The following ZSCAN9 variants were observed in gnomAD, a reference collection of about 807,000 sequenced individuals.
ZSCAN9 encodes zinc finger and SCAN domain-containing protein 9.
ZSCAN9 carries 19 observed loss-of-function variants against 23.0 expected under a neutral mutation model. The ratio of observed to expected loss-of-function variants is 0.83; its 90% confidence interval spans 0.58 to 1.21. ZSCAN9 has a LOEUF of 1.21. ZSCAN9 is among the 50% of genes most tolerant of loss of function. The pLI is 0.00. For synonymous variants in ZSCAN9, 155 were observed against 164.8 expected (o/e 0.94, Z 0.46); for missense variants, 467 against 471.5 (o/e 0.99, Z 0.09).
Position 28,232,729 on chromosome 6 carries a change from G to A in ZSCAN9, c.736G>A (p.Gly246Arg), listed in dbSNP as rs1486704043. 6.2e-7 allele frequency: 1 copy of A among 1,614,202 alleles called. No individual in the cohort carries two copies. Among genetic ancestry groups the A allele is most frequent in the South Asian group, 1.1e-5 (1 of 91,080 alleles). ...EHKDRIERQW[G>R]NLLGEGQHKC... Reference sequence around the variant, plus strand: ...TAAGGATAGGATAGAGAGGCAGTGGGGAAACCTCTTAGGAGAGGGGCAACA... The same window carrying A: ...TAAGGATAGGATAGAGAGGCAGTGGAGAAACCTCTTAGGAGAGGGGCAACA... The change falls in exon 4 of 4, where the codon GGA (glycine) becomes AGA (arginine). Residue 246 changes from glycine to arginine, a missense_variant. Transcript: ENST00000252207.
Position 28,233,133 on chromosome 6 carries a change from C to T in ZSCAN9, c.1140C>T (p.Asn380=). The T allele has an allele frequency of 1.2e-6, 2 of 1,613,914 alleles. No individual in the cohort carries two copies. The highest frequency in any genetic ancestry group is 1.7e-6 in the Non-Finnish European group (2 of 1,179,972). ...GGAAAAGCTTTAATCGACACTGCAACCTCATTCGCCATCAGAAGATCCACA... is the reference window on the plus strand; with the variant it reads ...GGAAAAGCTTTAATCGACACTGCAATCTCATTCGCCATCAGAAGATCCACA... ...ECGKSFNRHC[N]LIRHQKIHTV... is the part of the protein sequence containing the mutation. Residue 380 remains asparagine, a synonymous_variant, in exon 4 of 4, where the codon AAC becomes AAT. Transcript: ENST00000252207.
chr6:28,227,281 C>T lies in ZSCAN9; in HGVS notation c.197C>T (p.Pro66Leu). The T allele has an allele frequency of 1.9e-6, 3 of 1,614,186 alleles. No homozygotes were observed. Among genetic ancestry groups the T allele is most frequent in the Non-Finnish European group, 2.5e-6 (3 of 1,180,012 alleles). ...CTGTGCTACCAAGAGACCCCTGGAC[C>T]AAGGGAGGCTCTTACTCGACTCCAG... Reference protein sequence around the residue: ...RQLCYQETPGPREALTRLQEL... With the variant: ...RQLCYQETPGLREALTRLQEL... Residue 66 changes from proline (P) to leucine (L), a missense_variant, in exon 2 of 4, where the codon CCA becomes CTA. Coordinates refer to ENST00000252207, the MANE Select transcript of ZSCAN9 (RefSeq NM_006299.5).
intron 1 of ZSCAN9, among the ~76,000 whole-genome samples, chr6:28,225,689 G>A (rs73400581): frequency 0.091 from 13,799 of 152,238 alleles, 945 homozygotes; most frequent in African/African-American, 0.19. Context: ...TCACGATGGA[G>A]AACCTGTATA....
At chr6:28,230,513 C>T in intron 3 of ZSCAN9, 2 of 1,532,642 alleles carry the variant, frequency 1.3e-6, no homozygotes, top group Non-Finnish European at 8.7e-7. Flanking sequence ...ATGTGAGAGA[C>T]AGGACAGTTA....
At chr6:28,227,565 C>T (rs2113648910) in intron 2 of ZSCAN9, 61 bp downstream of exon 2, 1 of 1,564,516 alleles carries the variant, frequency 6.4e-7, no homozygotes. Context: ...ATCCTTGTCA[C>T]TTCTGCTTTG....
At chr6:28,226,654 A>T (rs1760123131) in intron 1 of ZSCAN9, among the ~76,000 whole-genome samples, 1 of 152,202 alleles carries the variant, frequency 6.6e-6, no homozygotes, top group Non-Finnish European at 1.5e-5. Flanking sequence ...GGTCTGGGTC[A>T]GCTGTGGTGG....
Position 28,233,190 on chromosome 6 carries a change from G to A in ZSCAN9, c.*12G>A, listed in dbSNP as rs1207431198. 3 of 1,603,034 alleles carry A rather than the reference G, an allele frequency of 1.9e-6. No homozygotes were observed. The highest frequency in any genetic ancestry group is 4.5e-5 in the East Asian group (2 of 44,684). On this transcript the variant is annotated 3_prime_UTR_variant, in exon 4 of 4. Transcript: ENST00000252207. ...CTGAGCTGGTCTAGGGCTTGGCTAT[G>A]AGCAAGTTTTCCAGATCACCACCCA...
chr6:28,227,926 C>A, intron 3 of ZSCAN9, 89 bp downstream of exon 3: 1 of 1,434,074 alleles, frequency 7.0e-7, no homozygotes, highest in African/African-American at 1.4e-5. Context: ...AAACAGGAGA[C>A]CCAAAGACTC....
intron 3 of ZSCAN9, chr6:28,228,664 G>A (rs1387657414): frequency 6.5e-6 from 1 of 154,486 alleles, no homozygotes; most frequent in East Asian, 1.9e-4. Context: ...TACAATTTAT[G>A]AAAAGCACTT....
chr6:28,228,566 T>C (rs1760193784), intron 3 of ZSCAN9: 1 of 155,618 alleles, frequency 6.4e-6, no homozygotes, highest in Non-Finnish European at 1.4e-5. Context: ...TATAATCATA[T>C]TGAGGGGTTA....
chr6:28,233,296 T>TA lies in ZSCAN9; in HGVS notation c.*120dup. 6.7e-7 allele frequency: 1 copy of TA among 1,494,658 alleles called. No homozygotes were observed. The highest frequency in any genetic ancestry group is 8.9e-7 in the Non-Finnish European group (1 of 1,128,580). The allele number at this position is 1,494,658 out of a possible 1,614,324, so 92.6% of individuals were successfully genotyped here. On this transcript the variant is annotated 3_prime_UTR_variant, in exon 4 of 4. Transcript: ENST00000252207. ...AATGTGTTTGAAACAAATCCTGACT[T>TA]AAGGCCCAGGGACTTCCTTAAAGGA...
chr6:28,228,717 C>T lies in ZSCAN9; in HGVS notation c.568+880C>T, dbSNP rs572432158. On this transcript the variant is annotated intron_variant, in intron 3 of 3. Coordinates refer to ENST00000252207, the MANE Select transcript of ZSCAN9 (RefSeq NM_006299.5). ...ATACATGGTCACTATTGTCACAAAT[C>T]ACCAGTGCCACCCTTGCTGATTTGG... 3.0e-4 allele frequency: 47 copies of T among 154,566 alleles called. No individual in the cohort carries two copies. The South Asian group carries it at 7.9e-3, about 26-fold the overall frequency. The allele number at this position is 154,566 out of a possible 1,614,324, so 9.6% of individuals were successfully genotyped here.
chr6:28,232,550 T>G lies in ZSCAN9; in HGVS notation c.569-12T>G. ...ACAAGTGACATTTACCTAGCCTTTT[T>G]CTTTGTTTCAGATGAAGTAACCAAG... On this transcript the variant is annotated splice_polypyrimidine_tract_variant and intron_variant, in intron 3 of 3. Transcript: ENST00000252207. 6.2e-7 allele frequency: 1 copy of G among 1,600,112 alleles called. No homozygotes were observed.
Position 28,232,801 on chromosome 6 carries a change from A to AT in ZSCAN9, c.810dup (p.Arg271SerfsTer13). On this transcript the variant is annotated frameshift_variant, in exon 4 of 4. Coordinates refer to ENST00000252207, the MANE Select transcript of ZSCAN9 (RefSeq NM_006299.5). LOFTEE classifies it low-confidence loss of function (END_TRUNC). Reference sequence around the variant, plus strand: ...GAGCTTTACTCAGAGCTCAGGTCTCATTCGACATCAAAGAATTCATACTGG... The same window carrying AT: ...GAGCTTTACTCAGAGCTCAGGTCTCATTTCGACATCAAAGAATTCATACTGG... 1.2e-6 allele frequency: 2 copies of AT among 1,614,252 alleles called. No individual in the cohort carries two copies. Among genetic ancestry groups the AT allele is most frequent in the South Asian group, 2.2e-5 (2 of 91,086 alleles).
chr6:28,226,947 A>C, intron 1 of ZSCAN9, 65 bp from the exon 2 acceptor site: 1 of 698,082 alleles, frequency 1.4e-6, no homozygotes, highest in Non-Finnish European at 2.3e-6. Context: ...AATTGCTTGT[A>C]TTATCAGTTT....
chr6:28,231,008 A>G (rs1255496967), intron 3 of ZSCAN9, among the ~76,000 whole-genome samples: 2 of 152,144 alleles, frequency 1.3e-5, no homozygotes, highest in African/African-American at 2.4e-5. Flanking sequence ...TTCATAAAGT[A>G]TAGTAGTCCT....
At chr6:28,230,527 A>G (rs1246214379) in intron 3 of ZSCAN9, 9 of 1,523,134 alleles carry the variant, frequency 5.9e-6, no homozygotes, top group South Asian at 1.2e-5. Context: ...ACAGTTAGAT[A>G]TGGGAGAAAG....
rs1006091184 is a variant in ZSCAN9 at position 28,227,234 on chromosome 6, C to G, written c.150C>G (p.Ile50Met). The G allele has an allele frequency of 3.1e-6, 5 of 1,614,138 alleles. No homozygotes were observed. In the African/African-American group the frequency reaches 6.7e-5, roughly 22 times the overall value. ...GCAGTAATCCACTGGCAAGGGAAAT[C>G]TTCCGAAGGCACTTTCGACAGCTGT... is the stretch of plus-strand genomic sequence containing the variant. Reference protein sequence around the residue: ...LKRSNPLAREIFRRHFRQLCY... With the variant: ...LKRSNPLAREMFRRHFRQLCY... Residue 50 changes from isoleucine (I) to methionine (M), a missense_variant, in exon 2 of 4, where the codon ATC becomes ATG. Transcript: ENST00000252207.
intron 3 of ZSCAN9, chr6:28,228,250 T>G (rs1561846271): frequency 5.2e-6 from 3 of 571,870 alleles, no homozygotes; most frequent in East Asian, 3.0e-5. Context: ...TGGTTTAGTC[T>G]ACTTGCGCTG....
Sources: gnomAD v4.1 joint callset for allele counts (sites outside exome capture counted in the v4.1 genomes callset) on GRCh38, gnomAD v4.1.1 for gene constraint, MANE v1.5 for transcripts, NCBI Gene and HGNC (gene_info 2026-07-23, HGNC 2026-07-21) for gene names.